TPRG1: variants seen among roughly 807,000 people sequenced by gnomAD.
The protein encoded by TPRG1 is tumor protein p63-regulated gene 1 protein.
In TPRG1, 29 loss-of-function variants were observed where a neutral mutation model predicts 29.3. The observed-to-expected ratio is 0.99, with a 90% confidence interval of 0.74 to 1.35. The LOEUF (loss-of-function observed/expected upper bound fraction) is 1.35, where lower values mean the gene tolerates loss of function less well. Among genes scored for constraint, TPRG1 ranks in the 40% most tolerant of loss-of-function variants. TPRG1 has a pLI of 0.00. For missense variants in TPRG1, 327 were observed against 335.0 expected, an observed-to-expected ratio of 0.98 and a Z score of 0.19; for synonymous variants, 130 against 116.8, an observed-to-expected ratio of 1.11 and a Z score of -0.73.
At position 189,324,794 on chromosome 3, in the gene TPRG1, G is replaced by A. The variant is rs1001423990; in HGVS notation, c.*3974G>A. 6.6e-6 allele frequency: 1 copy of A among 152,158 alleles called. No homozygotes were observed. Among genetic ancestry groups the A allele is most frequent in the East Asian group, 1.9e-4 (1 of 5,180 alleles). 9.4% of individuals were successfully genotyped at this position (152,158 alleles called of 1,614,324 possible). ...GAGACTAATGCCTGTGGTTTTCAAA[G>A]GTTAACAACAACATAAAAAAGCCAA... On this transcript the variant is annotated 3_prime_UTR_variant, in exon 6 of 6. Transcript: ENST00000345063.
intron 1 of TPRG1, among the ~76,000 whole-genome samples, chr3:189,195,209 G>A (rs1263620004): frequency 1.3e-5 from 2 of 152,064 alleles, no homozygotes; most frequent in Non-Finnish European, 2.9e-5. Context: ...TAGGTACTGG[G>A]GTGCATGACC....
intron 1 of TPRG1, among the ~76,000 whole-genome samples, chr3:189,112,811 A>G (rs1720698939): frequency 6.6e-6 from 1 of 152,162 alleles, no homozygotes; most frequent in Non-Finnish European, 1.5e-5. Context: ...AGGTAGCGTG[A>G]TGCCTCCAGC....
intron 1 of TPRG1, among the ~76,000 whole-genome samples, chr3:189,177,964 C>T (rs1245667093): frequency 6.6e-6 from 1 of 152,014 alleles, no homozygotes; most frequent in Non-Finnish European, 1.5e-5. Flanking sequence ...TGTGGTGTGT[C>T]CTGGGAGTCA....
chr3:189,305,217 G>A (rs1368405549), intron 4 of TPRG1, among the ~76,000 whole-genome samples: 2 of 152,198 alleles, frequency 1.3e-5, no homozygotes, highest in Non-Finnish European at 2.9e-5. Context: ...AGCCAGCTAT[G>A]TTGCCCTATG....
At chr3:189,057,147 G>A (rs1560418594) in intron 4 of TPRG1, among the ~76,000 whole-genome samples, 1 of 152,200 alleles carries the variant, frequency 6.6e-6, no homozygotes, top group East Asian at 1.9e-4. Context: ...GGCTGAGTGA[G>A]AAAATCTTCC....
chr3:189,239,789 G>A (rs751404490), intron 4 of TPRG1, among the ~76,000 whole-genome samples: 7 of 152,194 alleles, frequency 4.6e-5, no homozygotes, highest in African/African-American at 9.6e-5. Context: ...GTTCAGTGAC[G>A]TAGGGGTGGT....
intron 4 of TPRG1, among the ~76,000 whole-genome samples, chr3:189,308,275 C>G (rs1721926694): frequency 6.6e-6 from 1 of 152,184 alleles, no homozygotes; most frequent in Non-Finnish European, 1.5e-5. Context: ...CACAGGACTC[C>G]CGGACATCCA....
In TPRG1 at chr3:189,227,597, GT is replaced by G. The variant is rs557107433; in HGVS notation, c.303-11134del. On this transcript the variant is annotated intron_variant, in intron 3 of 5. Coordinates refer to ENST00000345063, the MANE Select transcript of TPRG1 (RefSeq NM_198485.4). ...TTCTTTATCTGCTGTTTTGATACAA[GT>G]TGTTACTACACACTTCTTACGCTGT... Among the ~76,000 whole-genome samples, 10 of 152,284 alleles carry G rather than the reference GT, an allele frequency of 6.6e-5. No homozygotes were observed. In the South Asian group the frequency reaches 2.1e-3, roughly 32 times the overall value.
chr3:189,029,248 T>C (rs1427507376), intron 4 of TPRG1, among the ~76,000 whole-genome samples: 2 of 152,182 alleles, frequency 1.3e-5, no homozygotes, highest in Non-Finnish European at 2.9e-5. Context: ...GTTTGTGAGA[T>C]GTGACTTCAA....
In TPRG1 at chr3:189,320,723, A is replaced by AT; in HGVS notation, c.731_732insT (p.Glu244AspfsTer6). On this transcript the variant is annotated frameshift_variant, in exon 6 of 6. Transcript: ENST00000345063. LOFTEE classifies it high-confidence loss of function. ...GGAAAGAAACTGATGGTGTTAACTG[A>AT]ACCCATTTTGATTGAGACCTACACA... is the stretch of plus-strand genomic sequence containing the variant. 1 of 1,611,846 alleles carries AT rather than the reference A, an allele frequency of 6.2e-7. No individual in the cohort carries two copies. The highest frequency in any genetic ancestry group is 8.5e-7 in the Non-Finnish European group (1 of 1,179,030).
chr3:189,100,539 A>G (rs80028792), intron 1 of TPRG1, among the ~76,000 whole-genome samples: 1,550 of 152,298 alleles, frequency 0.01, 26 homozygotes, highest in African/African-American at 0.034. Context: ...AATGGTAGTA[A>G]GATAATATTT....
At chr3:189,025,064 T>C (rs1374785720) in intron 4 of TPRG1, among the ~76,000 whole-genome samples, 2 of 152,204 alleles carry the variant, frequency 1.3e-5, no homozygotes, top group Non-Finnish European at 2.9e-5. Context: ...CCTAGGGGTA[T>C]GTACCAACAT....
intron 1 of TPRG1, among the ~76,000 whole-genome samples, chr3:189,181,737 G>A (rs532637869): frequency 7.2e-5 from 11 of 152,254 alleles, no homozygotes; most frequent in African/African-American, 2.6e-4. Context: ...ACCTCTGCCT[G>A]TTATCCAGTT....
intron 4 of TPRG1, among the ~76,000 whole-genome samples, chr3:189,301,298 CAAAAAAAA>C (rs10618021): frequency 1.6e-4 from 7 of 43,612 alleles, no homozygotes; most frequent in Non-Finnish European, 2.9e-4. Flanking sequence ...GACTCCATCT[CAAAAAAAA>C]AAAAAAAAAA....
chr3:189,230,302 G>C (rs1157408377), intron 3 of TPRG1, among the ~76,000 whole-genome samples: 1 of 152,134 alleles, frequency 6.6e-6, no homozygotes, highest in Non-Finnish European at 1.5e-5. Flanking sequence ...ATGCAGCCTG[G>C]GATGAGAGTC....
chr3:189,054,952 C>T lies in TPRG1; in HGVS notation c.-463+31006C>T, dbSNP rs115932120. Among the ~76,000 whole-genome samples, 405 of 152,256 alleles carry T rather than the reference C, an allele frequency of 2.7e-3. 1 individual carries two copies. Among genetic ancestry groups the T allele is most frequent in the Non-Finnish European group, 3.3e-3 (226 of 68,028 alleles). ...AGACTTGCTCAATGCAGAGTTGCCA[C>T]AAACCTTCAGATTGTAAAAAATGCA... On this transcript the variant is annotated intron_variant, in intron 4 of 10. Coordinates refer to the TPRG1 transcript ENST00000433971.
chr3:189,055,954 C>A (rs1448447409), intron 4 of TPRG1, among the ~76,000 whole-genome samples: 3 of 152,020 alleles, frequency 2.0e-5, no homozygotes, highest in Middle Eastern at 3.4e-3. Context: ...CTTCCCTGTC[C>A]ATTTGCTCTT....
intron 4 of TPRG1, among the ~76,000 whole-genome samples, chr3:189,030,863 T>C (rs1056475908): frequency 5.3e-5 from 8 of 152,136 alleles, no homozygotes; most frequent in Non-Finnish European, 1.0e-4. Flanking sequence ...CAGAAATGAG[T>C]TGTCATTTGT....
intron 2 of TPRG1, chr3:189,212,009 A>ATAT (rs1553923470): frequency 8.6e-5 from 13 of 151,358 alleles, no homozygotes; most frequent in African/African-American, 2.9e-4. Context: ...TATTATGATA[A>ATAT]TCTTGGTTGT....
Sources: gnomAD v4.1 joint callset for allele counts (sites outside exome capture counted in the v4.1 genomes callset) on GRCh38, gnomAD v4.1.1 for gene constraint, MANE v1.5 for transcripts, NCBI Gene and HGNC (gene_info 2026-07-23, HGNC 2026-07-21) for gene names.